The following GRB2 variants were observed in gnomAD, a reference collection of about 807,000 sequenced individuals.
GRB2 encodes growth factor receptor-bound protein 2.
A neutral mutation model predicts 27.4 loss-of-function variants in GRB2; 2 were observed. That is an observed-to-expected ratio of 0.07 (90% CI 0.03 to 0.23). GRB2 has a LOEUF of 0.23. Among genes scored for constraint, GRB2 ranks in the 10% least tolerant of loss-of-function variants. GRB2 has a pLI of 1.00. For synonymous variants in GRB2, 94 were observed against 99.6 expected (o/e 0.94, Z 0.33); for missense variants, 102 against 282.4 (o/e 0.36, Z 4.58).
chr17:75,374,626 A>AAC (rs1248523831), intron 2 of GRB2, among the ~76,000 whole-genome samples: 1 of 149,624 alleles, frequency 6.7e-6, no homozygotes, highest in East Asian at 2.0e-4. Flanking sequence ...CACACACACA[A>AAC]ACACACACAC....
In GRB2 at chr17:75,357,312, G is replaced by A. The variant is rs114570198; in HGVS notation, c.79-24515C>T. ...ATAATGTGGTGTCCTGGATGGGACC[G>A]TAGAACAGAGAAGGACACTGGGAAA... On this transcript the variant is annotated intron_variant, in intron 2 of 5. Coordinates refer to ENST00000316804, the MANE Select transcript of GRB2 (RefSeq NM_002086.5). 7.8e-3 allele frequency among the ~76,000 whole-genome samples: 1,185 copies of A among 152,304 alleles called. 15 individuals carry two copies. Among genetic ancestry groups the A allele is most frequent in the African/African-American group, 0.026 (1,097 of 41,568 alleles).
intron 1 of GRB2, among the ~76,000 whole-genome samples, chr17:75,397,407 G>A (rs979084254): frequency 2.6e-5 from 4 of 152,134 alleles, no homozygotes; most frequent in East Asian, 1.9e-4. Context: ...GAGTAACCTC[G>A]AAACTGTTAC....
At chr17:75,343,883 G>T (rs891925531) in intron 2 of GRB2, among the ~76,000 whole-genome samples, 2 of 151,988 alleles carry the variant, frequency 1.3e-5, no homozygotes, top group African/African-American at 4.8e-5. Flanking sequence ...AGATCAAGAG[G>T]TTTCAAGAAA....
At chr17:75,394,719 C>T (rs186552541) in intron 1 of GRB2, 17 of 152,286 alleles carry the variant, frequency 1.1e-4, no homozygotes, top group Admixed American at 1.0e-3. Context: ...AGATGGTGCC[C>T]GCAGAAGGTC....
chr17:75,343,629 T>C (rs1012418923), intron 2 of GRB2, among the ~76,000 whole-genome samples: 16 of 152,196 alleles, frequency 1.1e-4, no homozygotes, highest in Middle Eastern at 3.2e-3. Flanking sequence ...TTCACACTTA[T>C]GTGATATTAC....
intron 2 of GRB2, among the ~76,000 whole-genome samples, chr17:75,359,477 G>A (rs1341468283): frequency 6.6e-6 from 1 of 150,998 alleles, no homozygotes; most frequent in Non-Finnish European, 1.5e-5. Context: ...CTGCACTCCA[G>A]CCTGGGTGAC....
intron 2 of GRB2, among the ~76,000 whole-genome samples, chr17:75,376,816 A>C (rs1048792491): frequency 6.6e-5 from 10 of 152,266 alleles, no homozygotes; most frequent in Middle Eastern, 3.4e-3. Flanking sequence ...AGCCTGGGCA[A>C]CATAATGAGA....
intron 3 of GRB2, chr17:75,326,252 G>A (rs750113657): frequency 1.5e-5 from 8 of 539,842 alleles, no homozygotes; most frequent in East Asian, 6.4e-5. Flanking sequence ...GGCACTAACC[G>A]TGGGTCACTC....
At chr17:75,350,992 G>A (rs2078688758) in intron 2 of GRB2, among the ~76,000 whole-genome samples, 2 of 152,248 alleles carry the variant, frequency 1.3e-5, no homozygotes, top group African/African-American at 4.8e-5. Context: ...ACTGTGCAGG[G>A]CAGAATAAGG....
intron 2 of GRB2, chr17:75,387,505 T>C (rs1025748064): frequency 6.7e-6 from 1 of 150,034 alleles, no homozygotes; most frequent in African/African-American, 2.5e-5. Flanking sequence ...AAATGATCTA[T>C]AATTTAGTAG....
rs1287284107 is a variant in GRB2 at position 75,318,819 on chromosome 17, G to A, written c.*1549C>T. On this transcript the variant is annotated 3_prime_UTR_variant, in exon 6 of 6. Transcript: ENST00000316804. ...AATCTAAGAGCAAGACAAGTGAAAA[G>A]TGAGTACTCTCACTGTGTACCCCAG... is the stretch of plus-strand genomic sequence containing the variant. The A allele has an allele frequency of 6.6e-6, 1 of 152,278 alleles. No homozygotes were observed. Among genetic ancestry groups the A allele is most frequent in the African/African-American group, 2.4e-5 (1 of 41,412 alleles). 9.4% of individuals were successfully genotyped at this position (152,278 alleles called of 1,614,324 possible).
intron 2 of GRB2, among the ~76,000 whole-genome samples, chr17:75,385,463 G>A (rs552809254): frequency 1.7e-4 from 26 of 152,146 alleles, no homozygotes; most frequent in Non-Finnish European, 2.6e-4. Flanking sequence ...CTTGAACCAC[G>A]GAAGTGGAGG....
At chr17:75,353,660 T>A (rs953398321) in intron 2 of GRB2, among the ~76,000 whole-genome samples, 1 of 151,900 alleles carries the variant, frequency 6.6e-6, no homozygotes, top group African/African-American at 2.4e-5. Context: ...CTCAGGAGGC[T>A]GAGGCAGGAG....
At chr17:75,396,494 G>C (rs906021640) in intron 1 of GRB2, among the ~76,000 whole-genome samples, 21 of 152,180 alleles carry the variant, frequency 1.4e-4, no homozygotes, top group Admixed American at 1.2e-3. Context: ...GGTCTCTAGA[G>C]GCAGGCCCCT....
chr17:75,390,511 AT>A (rs2078991501), intron 2 of GRB2, among the ~76,000 whole-genome samples: 1 of 152,124 alleles, frequency 6.6e-6, no homozygotes, highest in South Asian at 2.1e-4. Context: ...AATTCCTTCT[AT>A]TTTACATCCC....
At chr17:75,402,935 C>T (rs1283441563) in intron 1 of GRB2, among the ~76,000 whole-genome samples, 2 of 151,362 alleles carry the variant, frequency 1.3e-5, no homozygotes, top group Non-Finnish European at 2.9e-5. Flanking sequence ...ATTAGCCAGG[C>T]GTGGTGGTGC....
chr17:75,398,794 C>A (rs150876424), intron 1 of GRB2, among the ~76,000 whole-genome samples: 1 of 152,312 alleles, frequency 6.6e-6, no homozygotes, highest in East Asian at 1.9e-4. Context: ...ATCCCTCAGG[C>A]TGGAGTGCAG....
At chr17:75,399,367 C>CT (rs71161208) in intron 1 of GRB2, among the ~76,000 whole-genome samples, 7,448 of 107,900 alleles carry the variant, frequency 0.069, 707 homozygotes, top group African/African-American at 0.2. Context: ...ACAATCTTTT[C>CT]TTTTTTTTTT....
rs530506284 is a variant in GRB2, at chr17:75,374,802, G to GA, written c.78+18748dup. 3.5e-3 allele frequency among the ~76,000 whole-genome samples: 519 copies of GA among 150,050 alleles called. 3 individuals carry two copies. Among genetic ancestry groups the GA allele is most frequent in the Middle Eastern group, 0.014 (4 of 290 alleles). On this transcript the variant is annotated intron_variant, in intron 2 of 5. Transcript: ENST00000316804. ...ACAAGACTCTGTCTCAAGAAAAGAA[G>GA]AAAAAAAAAGCTACTACTATCATGA...
Sources: allele counts gnomAD v4.1 joint callset (sites outside exome capture counted in the v4.1 genomes callset), GRCh38; gene constraint gnomAD v4.1.1; transcripts MANE v1.5; gene names NCBI Gene and HGNC (gene_info 2026-07-23, HGNC 2026-07-21).